Variants in POLB observed in about 807,000 individuals in gnomAD.
POLB encodes 5'-dRP lyase.
POLB carries 37 observed loss-of-function variants against 52.7 expected under a neutral mutation model. That is an observed-to-expected ratio of 0.70 (90% confidence interval 0.54 to 0.92). POLB has a LOEUF of 0.92. Among genes scored for constraint, POLB ranks in the 40% least tolerant of loss-of-function variants. The pLI, the probability that POLB is intolerant of heterozygous loss-of-function variation, is 0.00. For missense variants in POLB, 313 were observed against 400.8 expected (o/e 0.78, Z 1.87); for synonymous variants, 138 against 131.3 (o/e 1.05, Z -0.35).
At chr8:42,357,637 T>A (rs1057367163) in intron 9 of POLB, 12 of 397,194 alleles carry the variant, frequency 3.0e-5, no homozygotes, top group Non-Finnish European at 4.4e-5. Context: ...TGACTTTAAG[T>A]ATATTGAAAT....
At chr8:42,361,272 A>T (rs3136770) in intron 9 of POLB, 23 bp from the exon 10 acceptor site, 3 of 1,570,220 alleles carry the variant, frequency 1.9e-6, no homozygotes, top group African/African-American at 2.7e-5. Flanking sequence ...GGACAATCTC[A>T]TATGTGTCTT....
chr8:42,367,956 G>T (rs1012647673), intron 11 of POLB, among the ~76,000 whole-genome samples: 1 of 152,136 alleles, frequency 6.6e-6, no homozygotes, highest in Non-Finnish European at 1.5e-5. Flanking sequence ...TGGCTACCCC[G>T]AGGAAATGAA....
rs1384615523 is a variant in POLB, at chr8:42,352,412, A to C, written c.321-107A>C. 35 of 751,172 alleles carry C rather than the reference A, an allele frequency of 4.7e-5. No homozygotes were observed. The East Asian group carries it at 7.9e-4, about 17-fold the overall frequency. The allele number at this position is 751,172 out of a possible 1,614,324, so 46.5% of individuals were successfully genotyped here. ...TACCAAAGTAGCCATGCAACATTTT[A>C]GCAGGTCTTGTTTAGCTTAATAGCA... is the stretch of plus-strand genomic sequence containing the variant. On this transcript the variant is annotated intron_variant, in intron 5 of 13. Coordinates refer to ENST00000265421, the MANE Select transcript of POLB (RefSeq NM_002690.3).
At chr8:42,360,093 A>G (rs1462469241) in intron 9 of POLB, among the ~76,000 whole-genome samples, 1 of 150,894 alleles carries the variant, frequency 6.6e-6, no homozygotes, top group African/African-American at 2.4e-5. Context: ...GGTTACAGGC[A>G]AACACCACCA....
At chr8:42,363,527 CAAAAAAAAAAAAAA>C (rs1163249252) in intron 11 of POLB, among the ~76,000 whole-genome samples, 3 of 15,836 alleles carry the variant, frequency 1.9e-4, no homozygotes, top group East Asian at 1.6e-3. Flanking sequence ...GACTCTGTCT[CAAAAAAAAAAAAAA>C]AAAAAAAAAA....
chr8:42,348,982 C>T, intron 3 of POLB, 34 bp from the exon 4 acceptor site: 1 of 1,202,534 alleles, frequency 8.3e-7, no homozygotes, highest in Non-Finnish European at 1.2e-6. Context: ...GCATTATATT[C>T]ATATGACTTT....
chr8:42,349,247 C>T (rs1190429836), intron 4 of POLB, 157 bp downstream of exon 4: 4 of 522,154 alleles, frequency 7.7e-6, no homozygotes, highest in East Asian at 3.2e-5. Flanking sequence ...AATGTTATTT[C>T]CATAAAATGT....
intron 9 of POLB, 81 bp from the exon 10 acceptor site, chr8:42,361,214 C>G (rs1417159775): frequency 2.2e-6 from 2 of 911,362 alleles, no homozygotes. Context: ...TAAGGCTCTT[C>G]TGTGTGTCAT....
chr8:42,345,306 G>A (rs1190077187), intron 3 of POLB, among the ~76,000 whole-genome samples: 3 of 152,176 alleles, frequency 2.0e-5, no homozygotes, highest in Non-Finnish European at 2.9e-5. Flanking sequence ...TTCAACTTGA[G>A]TGTTGGTTTT....
intron 4 of POLB, 44 bp downstream of exon 4, chr8:42,349,134 T>C: frequency 9.2e-7 from 1 of 1,088,976 alleles, no homozygotes; most frequent in Non-Finnish European, 1.4e-6. Flanking sequence ...AGTATCTGCC[T>C]TTATGGCCAC....
In POLB at chr8:42,355,529, T is replaced by C. The variant is rs141256214; in HGVS notation, c.384T>C (p.Asn128=). 3,936 of 1,579,218 alleles carry C rather than the reference T, an allele frequency of 2.5e-3. 2 individuals are homozygous for C. Among genetic ancestry groups the C allele is most frequent in the Non-Finnish European group, 3.2e-3 (3,684 of 1,149,084 alleles). ...TCTTCTATACAGATCTCAGAAAAAA[T>C]GAAGATAAATTGAACCATCATCAGC... ...GIKTLEDLRK[N]EDKLNHHQRI... The change falls in exon 7 of 14, where the codon AAT becomes AAC. Residue 128 remains asparagine, a synonymous_variant. Transcript: ENST00000265421.
chr8:42,339,760 C>T (rs1278522899), intron 2 of POLB: 1 of 150,222 alleles, frequency 6.7e-6, no homozygotes, highest in Non-Finnish European at 1.5e-5. Context: ...TTGTAGAGAC[C>T]GGGTTTTGCT....
At chr8:42,347,484 G>A (rs1822708496) in intron 3 of POLB, among the ~76,000 whole-genome samples, 1 of 150,836 alleles carries the variant, frequency 6.6e-6, no homozygotes, top group South Asian at 2.1e-4. Context: ...CTTAGTAACG[G>A]AAGTAATAGA....
At chr8:42,360,749 TAAA>T (rs540293292) in intron 9 of POLB, among the ~76,000 whole-genome samples, 1 of 142,692 alleles carries the variant, frequency 7.0e-6, no homozygotes, top group East Asian at 2.0e-4. Context: ...GTTTTCTTTT[TAAA>T]AAAAAAAAAA....
At chr8:42,342,563 C>T (rs2130775081) in intron 2 of POLB, 1 of 738,570 alleles carries the variant, frequency 1.4e-6, no homozygotes, top group East Asian at 2.4e-5. Context: ...GTTTTACCAT[C>T]TTGTCATCTT....
Position 42,369,304 on chromosome 8 carries a change from A to G in POLB, c.742A>G (p.Lys248Glu), listed in dbSNP as rs1354301189. Residue 248 changes from lysine (K) to glutamate (E), a missense_variant, in exon 12 of 14, where the codon AAA (lysine) becomes GAA (glutamate). Lys to Glu is a moderately conservative substitution (Grantham distance 56, BLOSUM62 1). Coordinates refer to ENST00000265421, the MANE Select transcript of POLB (RefSeq NM_002690.3). Reference sequence around the variant, plus strand: ...CCAGCTTCCCAGTAAAAATGATGAAAAAGAATATCCACACAGAAGAATTGA... The same window carrying G: ...CCAGCTTCCCAGTAAAAATGATGAAGAAGAATATCCACACAGAAGAATTGA... ...VCQLPSKNDE[K>E]EYPHRRIDIR... is the part of the protein sequence containing the mutation. The G allele has an allele frequency of 1.3e-6, 2 of 1,595,120 alleles. No individual in the cohort carries two copies. The highest frequency in any genetic ancestry group is 3.4e-5 in the Admixed American group (2 of 59,608).
chr8:42,342,441 A>G (rs1047409806), intron 2 of POLB: 9 of 1,366,708 alleles, frequency 6.6e-6, no homozygotes, highest in Non-Finnish European at 9.3e-6. Context: ...TACGGGCATA[A>G]GCAATCTGAC....
At chr8:42,369,738 A>C (rs990457562) in intron 12 of POLB, 111 bp from the exon 13 acceptor site, 2 of 649,456 alleles carry the variant, frequency 3.1e-6, no homozygotes, top group African/African-American at 1.8e-5. Context: ...AAATTATTAG[A>C]CCACTTAGGC....
chr8:42,338,969 T>A, intron 1 of POLB, 43 bp from the exon 2 acceptor site: 1 of 1,540,074 alleles, frequency 6.5e-7, no homozygotes. Flanking sequence ...CTCGTTTGTT[T>A]ACTCGTGGTT....
Sources: gnomAD v4.1 joint callset for allele counts (sites outside exome capture counted in the v4.1 genomes callset) on GRCh38, gnomAD v4.1.1 for gene constraint, MANE v1.5 for transcripts, NCBI Gene and HGNC (gene_info 2026-07-23, HGNC 2026-07-21) for gene names.